Variants in ARMH4 observed in about 807,000 individuals in gnomAD.
The protein encoded by ARMH4 is armadillo-like helical domain-containing protein 4.
Under a neutral mutation model 61.9 loss-of-function variants are expected in ARMH4, and 49 were observed. The ratio of observed to expected loss-of-function variants is 0.79; its 90% CI spans 0.63 to 1.00. The LOEUF is 1.00. Ranked by LOEUF, ARMH4 falls within the 50% of genes least tolerant of loss-of-function variation. The pLI is 0.00. For synonymous variants in ARMH4, 368 were observed against 341.5 expected, an observed-to-expected ratio of 1.08 and a Z score of -0.85; for missense variants, 934 against 930.0, an observed-to-expected ratio of 1.00 and a Z score of -0.06.
chr14:58,139,605 T>C (rs1887463147), intron 1 of ARMH4, among the ~76,000 whole-genome samples, 191 bp from the exon 2 acceptor site: 1 of 152,242 alleles, frequency 6.6e-6, no homozygotes, highest in South Asian at 2.1e-4. Flanking sequence ...CTGCTGAATT[T>C]TGCTGATTTA....
At chr14:58,016,391 T>G (rs1882617270) in intron 5 of ARMH4, among the ~76,000 whole-genome samples, 1 of 152,124 alleles carries the variant, frequency 6.6e-6, no homozygotes, top group Non-Finnish European at 1.5e-5. Flanking sequence ...CCTGAGTTTG[T>G]AGATAAAAAA....
chr14:58,093,169 T>C lies in ARMH4; in HGVS notation c.2089+3555A>G, dbSNP rs149812964. Among the ~76,000 whole-genome samples, 173 of 152,246 alleles carry C rather than the reference T, an allele frequency of 1.1e-3. 1 individual carries two copies. Among genetic ancestry groups the C allele is most frequent in the East Asian group, 9.5e-3 (49 of 5,176 alleles). On this transcript the variant is annotated intron_variant, in intron 5 of 7. Transcript: ENST00000267485. ...CTTCCCCTTCTGCCATGATTGTAAATTTCCTGAGGCCTCCCCAGCCCTGCA... is the reference window on the plus strand; with the variant it reads ...CTTCCCCTTCTGCCATGATTGTAAACTTCCTGAGGCCTCCCCAGCCCTGCA...
At chr14:58,135,657 A>G (rs1028416883) in intron 2 of ARMH4, among the ~76,000 whole-genome samples, 2 of 152,090 alleles carry the variant, frequency 1.3e-5, no homozygotes, top group Admixed American at 6.5e-5. Context: ...ATTATATATT[A>G]TTTTTAAAAC....
At chr14:58,133,962 T>A (rs1315513958) in intron 2 of ARMH4, among the ~76,000 whole-genome samples, 2 of 152,216 alleles carry the variant, frequency 1.3e-5, no homozygotes, top group African/African-American at 4.8e-5. Context: ...AGAGCCAACC[T>A]GCCTTAGTCA....
chr14:58,124,821 T>C (rs1482979887), intron 4 of ARMH4, among the ~76,000 whole-genome samples: 1 of 152,142 alleles, frequency 6.6e-6, no homozygotes, highest in East Asian at 1.9e-4. Flanking sequence ...GATAATGGAA[T>C]ACTTAAAAGT....
At chr14:58,031,925 A>G (rs1883247925) in intron 5 of ARMH4, among the ~76,000 whole-genome samples, 1 of 152,180 alleles carries the variant, frequency 6.6e-6, no homozygotes, top group South Asian at 2.1e-4. Context: ...CTCCCTACTT[A>G]AAACCCCTTC....
chr14:58,088,580 T>C (rs927233737), intron 5 of ARMH4, among the ~76,000 whole-genome samples: 5 of 152,120 alleles, frequency 3.3e-5, no homozygotes, highest in African/African-American at 4.8e-5. Context: ...GGGTACCATC[T>C]TGGGGATGGA....
In ARMH4 at chr14:58,001,510, C is replaced by G. The variant is rs1421054597; in HGVS notation, c.*3226G>C. ...TTTTCCACAGTGGCTATCCATTTTA[C>G]ATTCCCACCCACAGTATACAAGGAT... On this transcript the variant is annotated 3_prime_UTR_variant, in exon 8 of 8. Coordinates refer to ENST00000267485, the MANE Select transcript of ARMH4 (RefSeq NM_001001872.4). The G allele has an allele frequency of 6.6e-6, 1 of 152,198 alleles. No homozygotes were observed. The highest frequency in any genetic ancestry group is 6.5e-5 in the Admixed American group (1 of 15,274). 9.4% of individuals were successfully genotyped at this position (152,198 alleles called of 1,614,324 possible). A position where few individuals can be genotyped will look rare whatever the true frequency, so the allele number is the denominator to read the frequency against.
At chr14:58,058,030 T>C (rs1884406193) in intron 5 of ARMH4, among the ~76,000 whole-genome samples, 1 of 152,208 alleles carries the variant, frequency 6.6e-6, no homozygotes, top group South Asian at 2.1e-4. Context: ...TTGTTTACTC[T>C]TTTTCCTGTT....
At chr14:58,066,438 G>A (rs1202289569) in intron 5 of ARMH4, among the ~76,000 whole-genome samples, 4 of 152,152 alleles carry the variant, frequency 2.6e-5, no homozygotes, top group African/African-American at 9.7e-5. Flanking sequence ...TGCTTCATAG[G>A]TACAGGGTTT....
chr14:58,091,545 G>A (rs1885564735), intron 5 of ARMH4, among the ~76,000 whole-genome samples: 1 of 152,098 alleles, frequency 6.6e-6, no homozygotes, highest in Non-Finnish European at 1.5e-5. Flanking sequence ...ACAAATAAAG[G>A]AAGAATAAAG....
Position 58,067,783 on chromosome 14 carries a change from C to T in ARMH4, c.2089+28941G>A, listed in dbSNP as rs549482435. ...GATGAATACTAACACCTGCCTTACTCCTTTTAGCCAACCAGGGACTTGCTT... is the reference window on the plus strand; with the variant it reads ...GATGAATACTAACACCTGCCTTACTTCTTTTAGCCAACCAGGGACTTGCTT... On this transcript the variant is annotated intron_variant, in intron 5 of 7. Transcript: ENST00000267485. Among the ~76,000 whole-genome samples, 4 of 152,286 alleles carry T rather than the reference C, an allele frequency of 2.6e-5. No individual in the cohort carries two copies. In the South Asian group the frequency reaches 6.2e-4, roughly 24 times the overall value.
At chr14:58,113,913 T>C (rs1886432158) in intron 4 of ARMH4, among the ~76,000 whole-genome samples, 1 of 152,092 alleles carries the variant, frequency 6.6e-6, no homozygotes, top group Non-Finnish European at 1.5e-5. Context: ...TACCTCCTCA[T>C]TTTTGTGACT....
chr14:58,006,936 T>A (rs879623737), intron 6 of ARMH4, among the ~76,000 whole-genome samples: 61 of 152,136 alleles, frequency 4.0e-4, no homozygotes, highest in Non-Finnish European at 5.4e-4. Context: ...ATAAATTAAT[T>A]AATTAATATG....
chr14:58,024,404 A>C (rs936749452), intron 5 of ARMH4, among the ~76,000 whole-genome samples: 2 of 152,078 alleles, frequency 1.3e-5, no homozygotes, highest in Non-Finnish European at 2.9e-5. Context: ...CACTTCTCTC[A>C]GCCTTCATAG....
chr14:58,115,951 T>C (rs1401772854), intron 4 of ARMH4, among the ~76,000 whole-genome samples: 1 of 151,924 alleles, frequency 6.6e-6, no homozygotes, highest in Non-Finnish European at 1.5e-5. Context: ...AAACAAACTA[T>C]CTAGTACTAC....
At chr14:58,094,696 T>C (rs1485230986) in intron 5 of ARMH4, among the ~76,000 whole-genome samples, 3 of 152,228 alleles carry the variant, frequency 2.0e-5, no homozygotes, top group African/African-American at 7.2e-5. Context: ...AAATGGTATA[T>C]ACCATATGAT....
At chr14:58,078,099 T>A (rs1344915743) in intron 5 of ARMH4, among the ~76,000 whole-genome samples, 1 of 152,230 alleles carries the variant, frequency 6.6e-6, no homozygotes, top group African/African-American at 2.4e-5. Flanking sequence ...ATGTTTCAAC[T>A]ACCAGTTCTT....
At chr14:58,115,975 G>A (rs60055365) in intron 4 of ARMH4, 66,836 of 151,936 alleles carry the variant, frequency 0.44, 15,723 homozygotes, top group Non-Finnish European at 0.54. Context: ...CACTACCTGA[G>A]TGATGGGATC....
Sources: allele counts gnomAD v4.1 joint callset (sites outside exome capture counted in the v4.1 genomes callset), GRCh38; gene constraint gnomAD v4.1.1; transcripts MANE v1.5; gene names NCBI Gene and HGNC (gene_info 2026-07-23, HGNC 2026-07-21).